The following ZNF784 variants were observed in gnomAD, a reference collection of about 807,000 sequenced individuals.
ZNF784 encodes the protein zinc finger protein 784.
A neutral mutation model predicts 3.3 loss-of-function variants in ZNF784; 5 were observed. The ratio of observed to expected loss-of-function variants is 1.53; its 90% CI spans 0.80 to 3.22. The LOEUF (loss-of-function observed/expected upper bound fraction) is 3.22, where lower values mean the gene tolerates loss of function less well. ZNF784 is among the 30% of genes most tolerant of loss of function. The pLI, the probability that ZNF784 is intolerant of heterozygous loss-of-function variation, is 0.00. For missense variants in ZNF784, 501 were observed against 480.7 expected, an observed-to-expected ratio of 1.04 and a Z score of -0.39; for synonymous variants, 231 against 219.6, an observed-to-expected ratio of 1.05 and a Z score of -0.46.
At position 55,621,820 on chromosome 19, in the gene ZNF784, A is replaced by T. The variant is rs1354478806; in HGVS notation, c.903T>A (p.Cys301Ter). Residue 301 changes from cysteine (C) to a stop codon, truncating the protein, a stop_gained, in exon 2 of 2, where the codon TGT becomes TGA. Coordinates refer to ENST00000325351, the MANE Select transcript of ZNF784 (RefSeq NM_203374.2). LOFTEE classifies it low-confidence loss of function (END_TRUNC). This position sits in a 1 kb window ranked among gnomAD's most constrained non-coding sequence, Gnocchi z 4.1. ...SSAAEGSGSG[C>*]GVGDPAEEGR... ...CCTCCTCCGCAGGGTCCCCTACCCC[A>T]CACCCGCTCCCCGACCCCTCAGCCG... The T allele has an allele frequency of 7.6e-7, 1 of 1,323,816 alleles. No individual in the cohort carries two copies. Among genetic ancestry groups the T allele is most frequent in the East Asian group, 3.8e-5 (1 of 26,056 alleles). The allele number at this position is 1,323,816 out of a possible 1,614,324, so 82.0% of individuals were successfully genotyped here.
rs756136979 is a variant in ZNF784 at position 55,622,375 on chromosome 19, C to T, written c.348G>A (p.Leu116=). ...CGHSCPGPAS[L]RAHYSLHTGE... ...CCGTGTGCAAGCTGTAGTGCGCGCG[C>T]AGGCTGGCGGGGCCCGGGCAGCTGT... The change falls in exon 2 of 2, where the codon CTG becomes CTA. Residue 116 remains leucine, a synonymous_variant. Coordinates refer to ENST00000325351, the MANE Select transcript of ZNF784 (RefSeq NM_203374.2). This position sits in a 1 kb window ranked among gnomAD's most constrained non-coding sequence, Gnocchi z 5.9. 6 of 1,541,736 alleles carry T rather than the reference C, an allele frequency of 3.9e-6. No individual in the cohort carries two copies. The highest frequency in any genetic ancestry group is 5.2e-6 in the Non-Finnish European group (6 of 1,146,382).
In ZNF784 at chr19:55,622,166, G is replaced by GCCGCCT; in HGVS notation, c.556_557insAGGCGG (p.Ala185_Ala186insGluAla). ...CTTCCCCACCGCTGCGCCCGCCGCC[G>GCCGCCT]CCGCCGCCATCACCACCTCCGCCCT... On this transcript the variant is annotated inframe_insertion, in exon 2 of 2. Transcript: ENST00000325351. This position sits in a 1 kb window ranked among gnomAD's most constrained non-coding sequence, Gnocchi z 5.9. 6.5e-7 allele frequency: 1 copy of GCCGCCT among 1,533,260 alleles called. No homozygotes were observed. Among genetic ancestry groups the GCCGCCT allele is most frequent in the Non-Finnish European group, 8.7e-7 (1 of 1,144,978 alleles). The allele number at this position is 1,533,260 out of a possible 1,614,324, so 95.0% of individuals were successfully genotyped here.
chr19:55,624,507 G>A lies in ZNF784; in HGVS notation c.55C>T (p.Arg19Ter). 1 of 1,604,392 alleles carries A rather than the reference G, an allele frequency of 6.2e-7. No homozygotes were observed. Among genetic ancestry groups the A allele is most frequent in the Non-Finnish European group, 8.5e-7 (1 of 1,176,722 alleles). ...ACCAGGTCCAGTGGCTCCTGGGATC[G>A]CGACTCCGGAGTCGGTGAGCTCCGA... ...QSRSSPTPES[R>*]SQEPLDLVLV... is the part of the protein sequence containing the mutation. Residue 19 changes from arginine to a stop codon, truncating the protein, a stop_gained, in exon 1 of 2, where the codon CGA becomes TGA. Coordinates refer to ENST00000325351, the MANE Select transcript of ZNF784 (RefSeq NM_203374.2). LOFTEE classifies it low-confidence loss of function (END_TRUNC).
chr19:55,621,407 C>T lies in ZNF784; in HGVS notation c.*344G>A. 9.5e-6 allele frequency: 4 copies of T among 419,474 alleles called. No individual in the cohort carries two copies. Among genetic ancestry groups the T allele is most frequent in the South Asian group, 7.2e-5 (3 of 41,870 alleles). The allele number at this position is 419,474 out of a possible 1,614,324, so 26.0% of individuals were successfully genotyped here. A position where few individuals can be genotyped will look rare whatever the true frequency, so the allele number is the denominator to read the frequency against. ...CTCCTCTGAAGTGCCCAGGCTCTGT[C>T]GTGACAGGCTGGGTCTTGCACAAGG... On this transcript the variant is annotated 3_prime_UTR_variant, in exon 2 of 2. Coordinates refer to ENST00000325351, the MANE Select transcript of ZNF784 (RefSeq NM_203374.2). The surrounding 1 kb of genome is among the most constrained non-coding windows in gnomAD (Gnocchi z 4.1).
At chr19:55,623,208 A>T (rs554565085) in intron 1 of ZNF784, among the ~76,000 whole-genome samples, 4 of 152,226 alleles carry the variant, frequency 2.6e-5, no homozygotes, top group South Asian at 2.1e-4. Flanking sequence ...TATTATTATT[A>T]TTTTTAATGT....
Position 55,621,808 on chromosome 19 carries a change from G to C in ZNF784, c.915C>G (p.Asp305Glu). The change falls in exon 2 of 2, where the codon GAC (aspartate) becomes GAG (glutamate). Residue 305 changes from aspartate to glutamate, a missense_variant. Asp to Glu is a conservative substitution (Grantham distance 45, BLOSUM62 2). Coordinates refer to ENST00000325351, the MANE Select transcript of ZNF784 (RefSeq NM_203374.2). The surrounding 1 kb of genome is among the most constrained non-coding windows in gnomAD (Gnocchi z 4.1). ...TCTCCCCCCGCCCCTCCTCCGCAGG[G>C]TCCCCTACCCCACACCCGCTCCCCG... ...EGSGSGCGVG[D>E]PAEEGRGETA... 1 of 1,595,558 alleles carries C rather than the reference G, an allele frequency of 6.3e-7. No individual in the cohort carries two copies. The highest frequency in any genetic ancestry group is 1.3e-5 in the African/African-American group (1 of 74,880).
rs758902721 is a variant in ZNF784, at chr19:55,622,317, G to A, written c.406C>T (p.Arg136Cys). ...ERPYRCALCPRAFKALAPLLR... is the reference protein window; with the variant it reads ...ERPYRCALCPCAFKALAPLLR... ...AGGGGCGCCAAGGCCTTGAAGGCGC[G>A]GGGGCAGAGCGCGCAGCGGTAGGGC... The change falls in exon 2 of 2, where the codon CGC becomes TGC. Residue 136 changes from arginine to cysteine, a missense_variant. Transcript: ENST00000325351. The surrounding 1 kb of genome is among the most constrained non-coding windows in gnomAD (Gnocchi z 5.9). 5.3e-6 allele frequency: 8 copies of A among 1,515,614 alleles called. No homozygotes were observed. The highest frequency in any genetic ancestry group is 2.3e-5 in the Admixed American group (1 of 43,754). The allele number at this position is 1,515,614 out of a possible 1,614,324, so 93.9% of individuals were successfully genotyped here. A position where few individuals can be genotyped will look rare whatever the true frequency, so the allele number is the denominator to read the frequency against.
chr19:55,624,196 C>G (rs572387941), intron 1 of ZNF784, among the ~76,000 whole-genome samples: 64 of 151,938 alleles, frequency 4.2e-4, no homozygotes, highest in African/African-American at 1.5e-3. Flanking sequence ...CTGGTAAGCC[C>G]CCTTCCCTGG....
In ZNF784 at chr19:55,622,118, G is replaced by A. The variant is rs1981582741; in HGVS notation, c.605C>T (p.Ala202Val). The A allele has an allele frequency of 1.5e-5, 23 of 1,553,082 alleles. No homozygotes were observed. The highest frequency in any genetic ancestry group is 2.0e-5 in the Non-Finnish European group (23 of 1,156,424). The change falls in exon 2 of 2, where the codon GCC becomes GTC. Residue 202 changes from alanine (A) to valine (V), a missense_variant. Coordinates refer to ENST00000325351, the MANE Select transcript of ZNF784 (RefSeq NM_203374.2). This position sits in a 1 kb window ranked among gnomAD's most constrained non-coding sequence, Gnocchi z 5.9. ...VGKPFACRFC[A>V]KPFRRSSDMR... ...GTCTGAGGAGCGGCGGAAGGGCTTG[G>A]CGCAGAACCTGCAGGCAAAAGGCTT...
At position 55,621,978 on chromosome 19, in the gene ZNF784, C is replaced by G. The variant is rs1229111265; in HGVS notation, c.745G>C (p.Glu249Gln). The G allele has an allele frequency of 3.1e-6, 5 of 1,594,928 alleles. No individual in the cohort carries two copies. The highest frequency in any genetic ancestry group is 2.2e-5 in the East Asian group (1 of 44,638). The change falls in exon 2 of 2, where the codon GAG becomes CAG. Residue 249 changes from glutamate to glutamine, a missense_variant. Glu to Gln is a conservative substitution (Grantham distance 29, BLOSUM62 2). Transcript: ENST00000325351. This position sits in a 1 kb window ranked among gnomAD's most constrained non-coding sequence, Gnocchi z 4.1. ...LSGHARIHTG[E>Q]RPFRCTLCDR... Reference sequence around the variant, plus strand: ...CAGAGCGTGCAGCGGAACGGGCGCTCGCCAGTGTGGATGCGGGCGTGGCCG... The same window carrying G: ...CAGAGCGTGCAGCGGAACGGGCGCTGGCCAGTGTGGATGCGGGCGTGGCCG...
chr19:55,624,409 G>GC, intron 1 of ZNF784, 75 bp downstream of exon 1: 1 of 449,052 alleles, frequency 2.2e-6, no homozygotes, highest in Non-Finnish European at 3.6e-6. Context: ...CATAGGCCAC[G>GC]CCCCGGACCC....
intron 1 of ZNF784, among the ~76,000 whole-genome samples, chr19:55,624,186 C>T (rs994579582): frequency 1.3e-5 from 2 of 151,870 alleles, no homozygotes; most frequent in African/African-American, 4.8e-5. Flanking sequence ...CAAATTATCC[C>T]TGGTAAGCCC....
At chr19:55,623,179 C>T (rs1465713223) in intron 1 of ZNF784, among the ~76,000 whole-genome samples, 1 of 152,160 alleles carries the variant, frequency 6.6e-6, no homozygotes, top group Non-Finnish European at 1.5e-5. Flanking sequence ...CCATCTTAGA[C>T]AGCAAAACAA....
chr19:55,621,655 C>G lies in ZNF784; in HGVS notation c.*96G>C. ...GCTGTCATCTCTCCCCCAATCTCCC[C>G]TCTTCTGTCCCCTGCCTCCGTTTCC... is the stretch of plus-strand genomic sequence containing the variant. On this transcript the variant is annotated 3_prime_UTR_variant, in exon 2 of 2. Transcript: ENST00000325351. This position sits in a 1 kb window ranked among gnomAD's most constrained non-coding sequence, Gnocchi z 4.1. 6.8e-7 allele frequency: 1 copy of G among 1,461,794 alleles called. No individual in the cohort carries two copies. Among genetic ancestry groups the G allele is most frequent in the Non-Finnish European group, 9.2e-7 (1 of 1,084,408 alleles). 90.6% of individuals were successfully genotyped at this position (1,461,794 alleles called of 1,614,324 possible).
Position 55,621,658 on chromosome 19 carries a change from T to G in ZNF784, c.*93A>C. ...GTCATCTCTCCCCCAATCTCCCCTCTTCTGTCCCCTGCCTCCGTTTCCCCA... is the reference window on the plus strand; with the variant it reads ...GTCATCTCTCCCCCAATCTCCCCTCGTCTGTCCCCTGCCTCCGTTTCCCCA... On this transcript the variant is annotated 3_prime_UTR_variant, in exon 2 of 2. Transcript: ENST00000325351. This position sits in a 1 kb window ranked among gnomAD's most constrained non-coding sequence, Gnocchi z 4.1. 6.8e-7 allele frequency: 1 copy of G among 1,467,826 alleles called. No individual in the cohort carries two copies. The highest frequency in any genetic ancestry group is 1.3e-5 in the South Asian group (1 of 77,788). The allele number at this position is 1,467,826 out of a possible 1,614,324, so 90.9% of individuals were successfully genotyped here. A position where few individuals can be genotyped will look rare whatever the true frequency, so the allele number is the denominator to read the frequency against.
In ZNF784 at chr19:55,622,480, C is replaced by A. The variant is rs914341993; in HGVS notation, c.243G>T (p.Leu81=). 3.7e-6 allele frequency: 6 copies of A among 1,612,538 alleles called. No homozygotes were observed. In the Admixed American group the frequency reaches 5.0e-5, roughly 13 times the overall value. Residue 81 remains leucine, a synonymous_variant, in exon 2 of 2, where the codon CTG becomes CTT. Transcript: ENST00000325351. The surrounding 1 kb of genome is among the most constrained non-coding windows in gnomAD (Gnocchi z 5.9). ...PAAFRLVSEL[L]FHEHGHLAGA... ...CAGCCAAGTGGCCATGTTCGTGGAA[C>A]AGCAGCTCGGAAACCAGCCGGAAGG...
chr19:55,621,316 C>A lies in ZNF784; in HGVS notation c.*435G>T. 4.2e-6 allele frequency: 1 copy of A among 240,094 alleles called. No homozygotes were observed. The highest frequency in any genetic ancestry group is 8.3e-6 in the Non-Finnish European group (1 of 120,086). 14.9% of individuals were successfully genotyped at this position (240,094 alleles called of 1,614,324 possible). On this transcript the variant is annotated 3_prime_UTR_variant, in exon 2 of 2. Coordinates refer to ENST00000325351, the MANE Select transcript of ZNF784 (RefSeq NM_203374.2). The surrounding 1 kb of genome is among the most constrained non-coding windows in gnomAD (Gnocchi z 4.1). The stretch of plus-strand genomic sequence containing the variant: ...GGCAGGAGACTCCATCCTGGTCCAC[C>A]CGTGGAGGACCAGAGCAGAAGACTA...
chr19:55,621,890 G>A lies in ZNF784; in HGVS notation c.833C>T (p.Pro278Leu). 2.6e-6 allele frequency: 4 copies of A among 1,510,114 alleles called. No individual in the cohort carries two copies. Among genetic ancestry groups the A allele is most frequent in the Non-Finnish European group, 1.8e-6 (2 of 1,125,536 alleles). The allele number at this position is 1,510,114 out of a possible 1,614,324, so 93.5% of individuals were successfully genotyped here. A position where few individuals can be genotyped will look rare whatever the true frequency, so the allele number is the denominator to read the frequency against. Residue 278 changes from proline (P) to leucine (L), a missense_variant, in exon 2 of 2, where the codon CCG becomes CTG. Physicochemically the swap from Pro to Leu is moderately conservative, Grantham distance 98 (BLOSUM62 -3). Transcript: ENST00000325351. This position sits in a 1 kb window ranked among gnomAD's most constrained non-coding sequence, Gnocchi z 4.1. ...TCCAGAGTCTCCCAGCCCCGGCCCC[G>A]GCCCGTGGAAGTGGGTGCGCTGGTG... ...RKHQRTHFHG[P>L]GPGLGDSGGQ...
chr19:55,622,661 G>A lies in ZNF784; in HGVS notation c.79-17C>T, dbSNP rs560889617. 3 of 1,517,118 alleles carry A rather than the reference G, an allele frequency of 2.0e-6. No homozygotes were observed. Among genetic ancestry groups the A allele is most frequent in the South Asian group, 1.3e-5 (1 of 77,118 alleles). The allele number at this position is 1,517,118 out of a possible 1,614,324, so 94.0% of individuals were successfully genotyped here. A position where few individuals can be genotyped will look rare whatever the true frequency, so the allele number is the denominator to read the frequency against. On this transcript the variant is annotated splice_polypyrimidine_tract_variant and intron_variant, in intron 1 of 1. Coordinates refer to ENST00000325351, the MANE Select transcript of ZNF784 (RefSeq NM_203374.2). The surrounding 1 kb of genome is among the most constrained non-coding windows in gnomAD (Gnocchi z 5.9). Reference sequence around the variant, plus strand: ...CACCAGGACCTGGGCAAGAGGAGAAGAAAGAGGAGCCTGTGGAACCTGCCT... The same window carrying A: ...CACCAGGACCTGGGCAAGAGGAGAAAAAAGAGGAGCCTGTGGAACCTGCCT...
Sources: gnomAD v4.1 joint callset for allele counts (sites outside exome capture counted in the v4.1 genomes callset) on GRCh38, gnomAD v4.1.1 for gene constraint, Gnocchi (gnomAD v3.1) non-coding constraint, MANE v1.5 for transcripts, NCBI Gene and HGNC (gene_info 2026-07-23, HGNC 2026-07-21) for gene names.